NEB: variants seen among roughly 807,000 people sequenced by gnomAD.
The protein encoded by NEB is nemaline myopathy type 2.
NEB carries 512 observed loss-of-function variants against 952.2 expected under a neutral mutation model. That is an observed-to-expected ratio of 0.54 (90% CI 0.50 to 0.58). The LOEUF (loss-of-function observed/expected upper bound fraction) is 0.58. Ranked by LOEUF, NEB falls within the 20% of genes least tolerant of loss-of-function variation. NEB has a pLI of 0.00. For missense variants in NEB, 8,428 were observed against 9,231.1 expected, an observed-to-expected ratio of 0.91 and a Z score of 3.56; for synonymous variants, 2,900 against 3,149.8, an observed-to-expected ratio of 0.92 and a Z score of 2.66.
intron 9 of NEB, among the ~76,000 whole-genome samples, chr2:151,721,270 T>C (rs1414018397): frequency 1.3e-5 from 2 of 152,218 alleles, no homozygotes; most frequent in Non-Finnish European, 2.9e-5. Context: ...CATGCTGTTT[T>C]CCGCTCCAAA....
chr2:151,521,788 C>T (rs1380955010), intron 153 of NEB, among the ~76,000 whole-genome samples: 1 of 152,180 alleles, frequency 6.6e-6, no homozygotes, highest in Non-Finnish European at 1.5e-5. Flanking sequence ...GCTCCCTTCT[C>T]CATAGGAAGT....
chr2:151,636,798 C>CA (rs576556678), intron 63 of NEB, among the ~76,000 whole-genome samples: 34 of 142,640 alleles, frequency 2.4e-4, no homozygotes, highest in South Asian at 4.4e-4. Context: ...CAAAACAAAA[C>CA]AAAAAAAAAA....
In NEB at chr2:151,514,439, A is replaced by T. The variant is rs887145332; in HGVS notation, c.23017-11T>A. Reference sequence around the variant, plus strand: ...TTTCCTGTACTCTTTCTATATCATGAAAGAAAAGCAACAACATTGACAAGA... The same window carrying T: ...TTTCCTGTACTCTTTCTATATCATGTAAGAAAAGCAACAACATTGACAAGA... On this transcript the variant is annotated splice_polypyrimidine_tract_variant and intron_variant, in intron 158 of 181. Transcript: ENST00000397345. 2.5e-6 allele frequency: 4 copies of T among 1,569,014 alleles called. No homozygotes were observed. The African/African-American group carries it at 5.4e-5, about 21-fold the overall frequency.
chr2:151,563,622 T>G lies in NEB; in HGVS notation c.18677A>C (p.Gln6226Pro). Residue 6226 changes from glutamine (Q) to proline (P), a missense_variant, in exon 119 of 182, where the codon CAA becomes CCA. Around this residue, in one of 11 missense-constraint regions of NEB, gnomAD observed 3,374 missense variants for 3,651.5 expected, o/e 0.92. Transcript: ENST00000397345. ...FPGVVHCLDF[Q>P]KMRSALNYRK... ...TTTACTTACCGCACTCCTCATCTTT[T>G]GGAAATCCAGACAGTGAACCACACC... The G allele has an allele frequency of 5.0e-6, 8 of 1,613,764 alleles. No homozygotes were observed. The highest frequency in any genetic ancestry group is 6.8e-6 in the Non-Finnish European group (8 of 1,179,690).
rs114354356 is a variant in NEB, at chr2:151,649,470, C to T, written c.7431+706G>A. On this transcript the variant is annotated intron_variant, in intron 54 of 181. Transcript: ENST00000397345. ...ATATTTAGATCCTCCTAATAACAGA[C>T]GGTTATTATATATCTGTTTAAATCT... is the stretch of plus-strand genomic sequence containing the variant. Among the ~76,000 whole-genome samples, 399 of 152,166 alleles carry T rather than the reference C, an allele frequency of 2.6e-3. 4 individuals are homozygous for T. The highest frequency in any genetic ancestry group is 8.8e-3 in the African/African-American group (364 of 41,540).
chr2:151,642,473 C>T (rs528787460), intron 60 of NEB, 101 bp downstream of exon 60: 2 of 948,202 alleles, frequency 2.1e-6, no homozygotes, highest in Non-Finnish European at 3.1e-6. Context: ...CTGTTAGCAA[C>T]AGCTTTAACC....
Position 151,563,814 on chromosome 2 carries a change from C to G in NEB, c.18579+9G>C, listed in dbSNP as rs780126337. The G allele has an allele frequency of 6.2e-7, 1 of 1,613,090 alleles. No individual in the cohort carries two copies. Among genetic ancestry groups the G allele is most frequent in the Admixed American group, 1.7e-5 (1 of 59,956 alleles). On this transcript the variant is annotated intron_variant, in intron 118 of 181. Transcript: ENST00000397345. ...TCTCAAACTTAGGAGAGGAAAAGGT[C>G]ATACTGACCTCACTGTTCACCAGAT...
In NEB at chr2:151,646,228, A is replaced by G. The variant is rs779975891; in HGVS notation, c.7438T>C (p.Tyr2480His). 6 of 1,577,608 alleles carry G rather than the reference A, an allele frequency of 3.8e-6. No homozygotes were observed. The highest frequency in any genetic ancestry group is 2.3e-5 in the East Asian group (1 of 43,618). ...TNAKNRSDRL[Y>H]REAWDKDKTQ... ...TTGTCTTTGTCCCAAGCTTCTCTATAAAGTCTCTAAAATAAGAAATAATAA... is the reference window on the plus strand; with the variant it reads ...TTGTCTTTGTCCCAAGCTTCTCTATGAAGTCTCTAAAATAAGAAATAATAA... The change falls in exon 55 of 182, where the codon TAT becomes CAT. Residue 2480 changes from tyrosine to histidine, a missense_variant. By Grantham distance (83) the Tyr-to-His change is moderately conservative (BLOSUM62 2). This residue lies in a region of NEB where 1,772 missense variants were observed against 1,960.3 expected (regional missense o/e 0.90). Transcript: ENST00000397345.
At chr2:151,668,894 T>G in intron 39 of NEB, 133 bp downstream of exon 39, 2 of 606,584 alleles carry the variant, frequency 3.3e-6, no homozygotes, top group Non-Finnish European at 5.5e-6. Flanking sequence ...TCATGTTGCA[T>G]GGTTAAGGGT....
Position 151,663,791 on chromosome 2 carries a change from G to C in NEB, c.5520C>G (p.Asp1840Glu). 6.2e-7 allele frequency: 1 copy of C among 1,613,844 alleles called. No homozygotes were observed. The highest frequency in any genetic ancestry group is 1.1e-5 in the South Asian group (1 of 91,080). ...CTTGCATGAAGTGCACCAGCTTGGGGTCATCTTCCAGGCTCCGGAAGCCAA... is the reference window on the plus strand; with the variant it reads ...CTTGCATGAAGTGCACCAGCTTGGGCTCATCTTCCAGGCTCCGGAAGCCAA... ...KHIGFRSLED[D>E]PKLVHFMQVA... Residue 1840 changes from aspartate to glutamate, a missense_variant, in exon 45 of 182, where the codon GAC (aspartate) becomes GAG (glutamate). Around this residue, in one of 11 missense-constraint regions of NEB, gnomAD observed 2,851 missense variants for 2,791.5 expected, o/e 1.02. Transcript: ENST00000397345.
At chr2:151,531,308 C>CTTTTTTTTTTTT (rs1159075000) in intron 144 of NEB, among the ~76,000 whole-genome samples, 11 of 84,026 alleles carry the variant, frequency 1.3e-4, no homozygotes, top group South Asian at 4.4e-4. Flanking sequence ...TTTTTTCTTT[C>CTTTTTTTTTTTT]TTTTTTTTTT....
chr2:151,512,725 G>T lies in NEB; in HGVS notation c.23346+8C>A, dbSNP rs1262014406. 6.2e-7 allele frequency: 1 copy of T among 1,601,188 alleles called. No homozygotes were observed. Among genetic ancestry groups the T allele is most frequent in the African/African-American group, 1.3e-5 (1 of 74,814 alleles). ...GTTTATGAGTGATGGCATGACGAAT[G>T]TCCTTACCTGGCTTGAAAGATTCTT... On this transcript the variant is annotated splice_region_variant and intron_variant, in intron 161 of 181. Transcript: ENST00000397345.
intron 45 of NEB, among the ~76,000 whole-genome samples, chr2:151,662,976 G>GC (rs1278663152): frequency 9.2e-5 from 14 of 152,250 alleles, no homozygotes; most frequent in African/African-American, 2.6e-4. Context: ...GCTTTCGTCT[G>GC]CTTTGGGTTT....
intron 20 of NEB, among the ~76,000 whole-genome samples, chr2:151,693,750 T>C (rs1053136768): frequency 2.0e-5 from 3 of 152,190 alleles, no homozygotes; most frequent in Non-Finnish European, 2.9e-5. Flanking sequence ...ATGATTTATA[T>C]TCCTTTGGGT....
chr2:151,615,924 C>A, intron 76 of NEB, 78 bp downstream of exon 76: 1 of 1,112,364 alleles, frequency 9.0e-7, no homozygotes. Flanking sequence ...AACTAAATTT[C>A]TAGCAAGAAA....
chr2:151,675,359 T>G lies in NEB; in HGVS notation c.3807A>C (p.Lys1269Asn), dbSNP rs574363877. 1.5e-5 allele frequency: 24 copies of G among 1,587,082 alleles called. No individual in the cohort carries two copies. The highest frequency in any genetic ancestry group is 1.8e-5 in the Non-Finnish European group (21 of 1,164,466). The change falls in exon 35 of 182, where the codon AAA becomes AAC. Residue 1269 changes from lysine to asparagine, a missense_variant. By Grantham distance (94) the Lys-to-Asn change is moderately conservative. This residue lies in a region of NEB where 2,851 missense variants were observed against 2,791.5 expected (regional missense o/e 1.02). Transcript: ENST00000397345. ...GATCAGGACTCATGGTGTATTTATG[T>G]TTCACATCTTCTCCTTTAGCCTTGT... ...ILYKAKGEDV[K>N]HKYTMSPDLP...
At chr2:151,709,527 G>A in intron 12 of NEB, 129 bp downstream of exon 12, 1 of 634,028 alleles carries the variant, frequency 1.6e-6, no homozygotes, top group Non-Finnish European at 2.8e-6. Context: ...CACATCCACT[G>A]GTCTCAGCCC....
Position 151,499,347 on chromosome 2 carries a change from A to G in NEB, c.24065T>C (p.Ile8022Thr). ...ENVGKGIPIP[I>T]TPEMERVKHN... ...TTTGACTCTCTCCATCTCTGGAGTG[A>G]TGGGGATTGGAATCCCTTTTCCAAC... Residue 8022 changes from isoleucine (I) to threonine (T), a missense_variant, in exon 169 of 182, where the codon ATC becomes ACC. Transcript: ENST00000397345. The G allele has an allele frequency of 6.5e-7, 1 of 1,547,036 alleles. No homozygotes were observed. The highest frequency in any genetic ancestry group is 8.7e-7 in the Non-Finnish European group (1 of 1,144,048).
intron 6 of NEB, 49 bp downstream of exon 6, chr2:151,725,404 A>G (rs1341439561): frequency 7.0e-7 from 1 of 1,426,348 alleles, no homozygotes; most frequent in East Asian, 2.3e-5. Context: ...TCCCAGCAGT[A>G]GGTGTATTTT....
Sources: gnomAD v4.1 joint callset for allele counts (sites outside exome capture counted in the v4.1 genomes callset) on GRCh38, gnomAD v4.1.1 for gene constraint, gnomAD v4.1.1 regional missense constraint, MANE v1.5 for transcripts, NCBI Gene and HGNC (gene_info 2026-07-23, HGNC 2026-07-21) for gene names.